Variants in ABCC1 observed in about 807,000 individuals in gnomAD.
ABCC1 encodes the protein multidrug resistance-associated protein 1.
ABCC1 carries 83 observed loss-of-function variants against 172.9 expected under a neutral mutation model. The observed-to-expected ratio is 0.48, with a 90% CI of 0.40 to 0.58. ABCC1 has a LOEUF of 0.58. Among genes scored for constraint, ABCC1 ranks in the 20% least tolerant of loss-of-function variants. The probability of loss-of-function intolerance (pLI) is 0.00; values close to 1 mark genes in which losing one functional copy is unlikely to be tolerated. For synonymous variants in ABCC1, 937 were observed against 825.2 expected, an observed-to-expected ratio of 1.14 and a Z score of -2.32; for missense variants, 1,817 against 2,002.7, an observed-to-expected ratio of 0.91 and a Z score of 1.77.
At chr16:16,086,186 A>C (rs1018760897) in intron 17 of ABCC1, among the ~76,000 whole-genome samples, 13 of 152,206 alleles carry the variant, frequency 8.5e-5, no homozygotes, top group Non-Finnish European at 1.5e-4. Context: ...GCCGTCAGCC[A>C]TCCTTTGCTG....
intron 12 of ABCC1, among the ~76,000 whole-genome samples, chr16:16,059,798 T>C (rs2049828446): frequency 6.6e-6 from 1 of 151,554 alleles, no homozygotes; most frequent in Non-Finnish European, 1.5e-5. Flanking sequence ...AGTGAGACCC[T>C]TTCCTGCTGC....
intron 5 of ABCC1, among the ~76,000 whole-genome samples, chr16:16,030,028 A>T (rs2048509429): frequency 1.3e-5 from 2 of 152,068 alleles, no homozygotes; most frequent in Admixed American, 6.6e-5. Context: ...TTGATCACTG[A>T]TCACTCTGTG....
intron 11 of ABCC1, among the ~76,000 whole-genome samples, chr16:16,055,551 A>C (rs561942049): frequency 4.2e-4 from 63 of 150,044 alleles, no homozygotes; most frequent in South Asian, 4.2e-3. Context: ...CTCCGTCACA[A>C]AAAAAAAAAG....
chr16:15,995,280 C>G (rs1159500190), intron 1 of ABCC1, among the ~76,000 whole-genome samples: 3 of 152,110 alleles, frequency 2.0e-5, no homozygotes, highest in Non-Finnish European at 4.4e-5. Context: ...ATGTGAAACA[C>G]TTAGAGTGGT....
chr16:16,005,876 C>T (rs2151712322), intron 1 of ABCC1, among the ~76,000 whole-genome samples: 1 of 152,088 alleles, frequency 6.6e-6, no homozygotes, highest in Non-Finnish European at 1.5e-5. Flanking sequence ...ATCACTTGAA[C>T]CCGGGAAGCA....
intron 1 of ABCC1, among the ~76,000 whole-genome samples, chr16:15,960,567 T>C (rs1295700852): frequency 6.6e-6 from 1 of 152,042 alleles, no homozygotes; most frequent in Non-Finnish European, 1.5e-5. Context: ...CGGAAATGAT[T>C]TCAGATGCTG....
At chr16:16,104,809 C>T (rs907112570) in intron 20 of ABCC1, among the ~76,000 whole-genome samples, 1 of 152,202 alleles carries the variant, frequency 6.6e-6, no homozygotes, top group African/African-American at 2.4e-5. Context: ...GTCCCGAGCC[C>T]TGCCCCGCGG....
intron 19 of ABCC1, among the ~76,000 whole-genome samples, chr16:16,098,541 C>T (rs576280933): frequency 1.3e-5 from 2 of 152,234 alleles, no homozygotes; most frequent in Non-Finnish European, 2.9e-5. Flanking sequence ...ATTGCTTGAA[C>T]CTGGGTGGCG....
At chr16:16,028,129 CA>C (rs1253621418) in intron 5 of ABCC1, among the ~76,000 whole-genome samples, 2 of 152,144 alleles carry the variant, frequency 1.3e-5, no homozygotes, top group Non-Finnish European at 2.9e-5. Flanking sequence ...CCTTTGTTAT[CA>C]GCTGGCCGTT....
chr16:16,034,999 T>C (rs1251962890), intron 6 of ABCC1, among the ~76,000 whole-genome samples: 1 of 152,238 alleles, frequency 6.6e-6, no homozygotes, highest in Non-Finnish European at 1.5e-5. Context: ...CGTGGCAACG[T>C]GTTAACAATG....
intron 7 of ABCC1, among the ~76,000 whole-genome samples, chr16:16,039,266 C>CTTTTTT (rs1202497870): frequency 4.6e-5 from 4 of 87,762 alleles, no homozygotes; most frequent in East Asian, 3.4e-4. Flanking sequence ...TGTGTGTTTT[C>CTTTTTT]TTTTTTTTTT....
chr16:15,994,167 C>G (rs2046970651), intron 1 of ABCC1, among the ~76,000 whole-genome samples: 1 of 152,106 alleles, frequency 6.6e-6, no homozygotes, highest in African/African-American at 2.4e-5. Flanking sequence ...CTGCAGTGAG[C>G]TGTGATGGTG....
intron 26 of ABCC1, 128 bp from the exon 27 acceptor site, chr16:16,131,661 A>AC (rs1236098709): frequency 3.2e-5 from 32 of 1,005,202 alleles, no homozygotes; most frequent in Non-Finnish European, 4.0e-5. Context: ...AGGAAGGGCA[A>AC]CCCCCCAGTG....
At chr16:16,109,841 G>A (rs937624747) in intron 21 of ABCC1, among the ~76,000 whole-genome samples, 20 of 152,184 alleles carry the variant, frequency 1.3e-4, no homozygotes, top group African/African-American at 3.6e-4. Context: ...CATGTCACAC[G>A]TTGCTTAAAA....
intron 20 of ABCC1, among the ~76,000 whole-genome samples, chr16:16,104,092 G>A (rs8047871): frequency 0.03 from 4,593 of 152,242 alleles, 236 homozygotes; most frequent in African/African-American, 0.11. Flanking sequence ...CTGGCTTCAG[G>A]AGTGAAGCTG....
intron 12 of ABCC1, among the ~76,000 whole-genome samples, chr16:16,064,978 G>A (rs1167671955): frequency 6.6e-6 from 1 of 152,194 alleles, no homozygotes; most frequent in African/African-American, 2.4e-5. Flanking sequence ...TAAGTAGGGT[G>A]GTCCAAGCTC....
chr16:15,963,933 C>T (rs71378215), intron 1 of ABCC1, among the ~76,000 whole-genome samples: 23,479 of 151,840 alleles, frequency 0.15, 2,000 homozygotes, highest in Non-Finnish European at 0.19. Context: ...CATTGTCAGA[C>T]TGCAAATTTC....
At chr16:15,994,569 T>C (rs531775019) in intron 1 of ABCC1, among the ~76,000 whole-genome samples, 2 of 152,156 alleles carry the variant, frequency 1.3e-5, no homozygotes, top group East Asian at 3.9e-4. Context: ...TTTAGAAATG[T>C]CCTACCCTTC....
chr16:16,053,421 C>T (rs887956605), intron 11 of ABCC1, among the ~76,000 whole-genome samples: 4 of 152,004 alleles, frequency 2.6e-5, no homozygotes, highest in Admixed American at 1.3e-4. Flanking sequence ...GCCCGGCTTT[C>T]AGCTTTTTAT....
Sources: allele counts gnomAD v4.1 joint callset (sites outside exome capture counted in the v4.1 genomes callset), GRCh38; gene constraint gnomAD v4.1.1; transcripts MANE v1.5; gene names NCBI Gene and HGNC (gene_info 2026-07-23, HGNC 2026-07-21).